Variants in COL22A1 observed in about 807,000 individuals in gnomAD.
COL22A1 encodes the protein collagen alpha-1(XXII) chain.
COL22A1 carries 221 observed loss-of-function variants against 248.9 expected under a neutral mutation model. The observed-to-expected ratio is 0.89, with a 90% confidence interval of 0.80 to 0.99. The LOEUF (loss-of-function observed/expected upper bound fraction) is 0.99. Ranked by LOEUF, COL22A1 falls within the 50% of genes least tolerant of loss-of-function variation. The pLI, the probability that COL22A1 is intolerant of heterozygous loss-of-function variation, is 0.00. For missense variants in COL22A1, 2,240 were observed against 2,179.0 expected (o/e 1.03, Z -0.56); for synonymous variants, 891 against 793.4 (o/e 1.12, Z -2.07).
At chr8:138,883,439 C>T (rs1295310302) in intron 1 of COL22A1, among the ~76,000 whole-genome samples, 195 bp from the exon 2 acceptor site, 1 of 152,200 alleles carries the variant, frequency 6.6e-6, no homozygotes, top group Non-Finnish European at 1.5e-5. Context: ...TGGATTTACG[C>T]CTGGATCCCC....
intron 16 of COL22A1, among the ~76,000 whole-genome samples, chr8:138,765,188 C>T (rs7821140): frequency 0.038 from 5,797 of 152,224 alleles, 368 homozygotes; most frequent in East Asian, 0.26. Context: ...CTGGCACTGG[C>T]GCCAGAACCG....
At chr8:138,855,582 T>A (rs1274925111) in intron 3 of COL22A1, among the ~76,000 whole-genome samples, 3 of 152,194 alleles carry the variant, frequency 2.0e-5, no homozygotes, top group African/African-American at 7.2e-5. Flanking sequence ...TCCAAAGCAA[T>A]CCTTCCTTCT....
chr8:138,607,206 A>C (rs1818492290), intron 57 of COL22A1, among the ~76,000 whole-genome samples: 1 of 152,154 alleles, frequency 6.6e-6, no homozygotes, highest in Admixed American at 6.5e-5. Context: ...CCGAAGTACC[A>C]AGTCCTGGTC....
chr8:138,885,648 C>T (rs866131430), intron 1 of COL22A1, among the ~76,000 whole-genome samples: 1 of 152,186 alleles, frequency 6.6e-6, no homozygotes, highest in Non-Finnish European at 1.5e-5. Context: ...ACCACAACCT[C>T]CACCTCCTGG....
At chr8:138,623,944 C>T (rs960380987) in intron 51 of COL22A1, among the ~76,000 whole-genome samples, 159 bp from the exon 52 acceptor site, 5 of 152,176 alleles carry the variant, frequency 3.3e-5, no homozygotes, top group Admixed American at 2.6e-4. Flanking sequence ...TTCTGATTTC[C>T]TGGTTTTTTT....
chr8:138,766,320 G>A lies in COL22A1; in HGVS notation c.1804-3854C>T, dbSNP rs547332008. 1.6e-4 allele frequency among the ~76,000 whole-genome samples: 24 copies of A among 152,320 alleles called. No individual in the cohort carries two copies. The South Asian group carries it at 4.1e-3, about 26-fold the overall frequency. On this transcript the variant is annotated intron_variant, in intron 16 of 64. Transcript: ENST00000303045. Reference sequence around the variant, plus strand: ...GGGGCAGCAGTCTGCACTGCTGGCCGGCATGTGACAGAGGAGCGAGGTGGA... The same window carrying A: ...GGGGCAGCAGTCTGCACTGCTGGCCAGCATGTGACAGAGGAGCGAGGTGGA...
At chr8:138,908,016 G>T (rs1815154351) in intron 1 of COL22A1, among the ~76,000 whole-genome samples, 1 of 152,116 alleles carries the variant, frequency 6.6e-6, no homozygotes, top group Admixed American at 6.5e-5. Context: ...CGTCCATGCA[G>T]ACATTTCTTT....
chr8:138,690,390 T>C lies in COL22A1; in HGVS notation c.2808+431A>G, dbSNP rs570028700. On this transcript the variant is annotated intron_variant, in intron 36 of 64. Transcript: ENST00000303045. Reference sequence around the variant, plus strand: ...CCTAAAGGTGAAGCAGCCAAGCTATTGTCTCCATTTTGCAGATGAACTAGC... The same window carrying C: ...CCTAAAGGTGAAGCAGCCAAGCTATCGTCTCCATTTTGCAGATGAACTAGC... 3.3e-5 allele frequency among the ~76,000 whole-genome samples: 5 copies of C among 152,256 alleles called. No individual in the cohort carries two copies. In the East Asian group the frequency reaches 9.7e-4, roughly 29 times the overall value.
intron 43 of COL22A1, among the ~76,000 whole-genome samples, chr8:138,660,819 TAC>T (rs141359015): frequency 0.72 from 96,034 of 133,422 alleles, 35,022 homozygotes; most frequent in Non-Finnish European, 0.84. Context: ...CATACACACA[TAC>T]ACACACATAC....
At chr8:138,593,200 C>T (rs1187846224) in intron 63 of COL22A1, among the ~76,000 whole-genome samples, 1 of 152,162 alleles carries the variant, frequency 6.6e-6, no homozygotes, top group Non-Finnish European at 1.5e-5. Flanking sequence ...GGGAACATCA[C>T]ACACCAGGGC....
chr8:138,781,960 A>G (rs1228803246), intron 12 of COL22A1, among the ~76,000 whole-genome samples: 2 of 152,248 alleles, frequency 1.3e-5, no homozygotes, highest in African/African-American at 4.8e-5. Context: ...ATATTTCTAC[A>G]TACATCATCT....
chr8:138,834,202 G>A (rs536205915), intron 4 of COL22A1, among the ~76,000 whole-genome samples: 23 of 152,172 alleles, frequency 1.5e-4, no homozygotes, highest in African/African-American at 3.1e-4. Flanking sequence ...CAGGGAAGCC[G>A]GCTGAAGGCA....
At chr8:138,754,740 CA>C (rs1203017423) in intron 21 of COL22A1, among the ~76,000 whole-genome samples, 5 of 152,236 alleles carry the variant, frequency 3.3e-5, no homozygotes, top group Non-Finnish European at 4.4e-5. Context: ...CAGGCCACTG[CA>C]AAGTCAGAAC....
At chr8:138,847,466 T>C (rs1821327803) in intron 3 of COL22A1, among the ~76,000 whole-genome samples, 1 of 152,238 alleles carries the variant, frequency 6.6e-6, no homozygotes, top group African/African-American at 2.4e-5. Context: ...GACAGAGTTT[T>C]CAGCCCATGG....
intron 5 of COL22A1, among the ~76,000 whole-genome samples, chr8:138,832,432 G>T (rs1293703882): frequency 2.6e-5 from 4 of 152,170 alleles, no homozygotes; most frequent in Admixed American, 2.0e-4. Context: ...AAGAAGAATA[G>T]AGCATTCATT....
chr8:138,726,093 A>G (rs769771302), intron 23 of COL22A1, among the ~76,000 whole-genome samples: 24 of 152,240 alleles, frequency 1.6e-4, no homozygotes, highest in Middle Eastern at 3.4e-3. Flanking sequence ...GGCCAGGAAC[A>G]GAAGCAGGTA....
At chr8:138,776,721 C>A (rs777752951) in intron 15 of COL22A1, among the ~76,000 whole-genome samples, 2 of 152,128 alleles carry the variant, frequency 1.3e-5, no homozygotes, top group Non-Finnish European at 2.9e-5. Flanking sequence ...TCTGCCTCCC[C>A]CAGGTAGAAT....
At chr8:138,722,854 G>GT (rs1400579251) in intron 25 of COL22A1, among the ~76,000 whole-genome samples, 7 of 129,016 alleles carry the variant, frequency 5.4e-5, no homozygotes, top group Admixed American at 1.6e-4. Context: ...TGGGGGCGGG[G>GT]GGGGGGTGGT....
chr8:138,657,690 T>A (rs556036980), intron 44 of COL22A1, among the ~76,000 whole-genome samples: 1 of 152,266 alleles, frequency 6.6e-6, no homozygotes, highest in Non-Finnish European at 1.5e-5. Context: ...AGTCAGTCAC[T>A]CATGTCACCT....
Sources: allele counts gnomAD v4.1 joint callset (sites outside exome capture counted in the v4.1 genomes callset), GRCh38; gene constraint gnomAD v4.1.1; transcripts MANE v1.5; gene names NCBI Gene and HGNC (gene_info 2026-07-23, HGNC 2026-07-21).